RTN1: variants seen among roughly 807,000 people sequenced by gnomAD.
RTN1 encodes the protein reticulon-1.
RTN1 carries 25 observed loss-of-function variants against 65.5 expected under a neutral mutation model. The observed-to-expected ratio is 0.38, with a 90% CI of 0.28 to 0.53. RTN1 has a LOEUF of 0.53. Among genes scored for constraint, RTN1 ranks in the 20% least tolerant of loss-of-function variants. The pLI, the probability that RTN1 is intolerant of heterozygous loss-of-function variation, is 0.79. For synonymous variants in RTN1, 471 were observed against 447.6 expected (o/e 1.05, Z -0.66); for missense variants, 983 against 1,025.4 (o/e 0.96, Z 0.57).
At chr14:59,635,935 A>G (rs765732995) in intron 3 of RTN1, among the ~76,000 whole-genome samples, 1 of 152,198 alleles carries the variant, frequency 6.6e-6, no homozygotes, top group Non-Finnish European at 1.5e-5. Context: ...CCTGCTGTAC[A>G]TCTTTTCACT....
At chr14:59,796,734 C>T (rs990965680) in intron 1 of RTN1, among the ~76,000 whole-genome samples, 2 of 152,156 alleles carry the variant, frequency 1.3e-5, no homozygotes, top group African/African-American at 4.8e-5. Flanking sequence ...CAGTTTACCC[C>T]AACCTCTGTA....
chr14:59,833,667 C>T (rs1055450602), intron 1 of RTN1, among the ~76,000 whole-genome samples: 10 of 152,048 alleles, frequency 6.6e-5, no homozygotes, highest in Non-Finnish European at 1.2e-4. Flanking sequence ...GGTAGTTTTT[C>T]AATCCTCACC....
chr14:59,792,504 G>C (rs998609785), intron 1 of RTN1, among the ~76,000 whole-genome samples: 1 of 151,920 alleles, frequency 6.6e-6, no homozygotes, highest in Non-Finnish European at 1.5e-5. Context: ...GGTAAGCTTT[G>C]TTTATTTTTA....
At chr14:59,842,965 C>T (rs980316892) in intron 1 of RTN1, among the ~76,000 whole-genome samples, 1 of 152,154 alleles carries the variant, frequency 6.6e-6, no homozygotes, top group Non-Finnish European at 1.5e-5. Context: ...ACCCTATAAC[C>T]TCCAAGGTAT....
At position 59,596,740 on chromosome 14, in the gene RTN1, T is replaced by C; in HGVS notation, c.*5A>G. On this transcript the variant is annotated 3_prime_UTR_variant, in exon 9 of 9. Transcript: ENST00000267484. The stretch of plus-strand genomic sequence containing the variant: ...TTTGTGTCCAGTCCCCGGTGGGAAA[T>C]CAGTTTACTCAGCATGCCTCTTAGC... 1 of 1,608,204 alleles carries C rather than the reference T, an allele frequency of 6.2e-7. No homozygotes were observed. Among genetic ancestry groups the C allele is most frequent in the Non-Finnish European group, 8.5e-7 (1 of 1,174,742 alleles).
chr14:59,620,326 C>T (rs567457399), intron 3 of RTN1, among the ~76,000 whole-genome samples: 9 of 152,086 alleles, frequency 5.9e-5, no homozygotes, highest in South Asian at 2.1e-4. Context: ...AGATTAAGGG[C>T]GGGGCTTGAA....
At chr14:59,645,653 C>A (rs781776384) in intron 3 of RTN1, among the ~76,000 whole-genome samples, 2 of 152,146 alleles carry the variant, frequency 1.3e-5, no homozygotes, top group Non-Finnish European at 2.9e-5. Flanking sequence ...CTAGAGAGTC[C>A]ATGGGGACCC....
chr14:59,825,229 T>C lies in RTN1; in HGVS notation c.241+45161A>G, dbSNP rs1329491002. On this transcript the variant is annotated intron_variant, in intron 1 of 8. Coordinates refer to ENST00000267484, the MANE Select transcript of RTN1 (RefSeq NM_021136.3). This position sits in a 1 kb window ranked among gnomAD's most constrained non-coding sequence, Gnocchi z 4.2. ...TGTCTATTAAAAATGTCTCCAGACATTGACAAATTTCCCCTGGGAAGAAAA... is the reference window on the plus strand; with the variant it reads ...TGTCTATTAAAAATGTCTCCAGACACTGACAAATTTCCCCTGGGAAGAAAA... Among the ~76,000 whole-genome samples the C allele has an allele frequency of 6.6e-6, 1 of 152,180 alleles. No homozygotes were observed. Among genetic ancestry groups the C allele is most frequent in the African/African-American group, 2.4e-5 (1 of 41,454 alleles).
chr14:59,830,553 C>T (rs1211079600), intron 1 of RTN1, among the ~76,000 whole-genome samples: 4 of 152,116 alleles, frequency 2.6e-5, no homozygotes, highest in East Asian at 1.9e-4. Flanking sequence ...TGTGTGACTC[C>T]GAGCAAACAG....
At chr14:59,784,275 C>T (rs1886211381) in intron 1 of RTN1, among the ~76,000 whole-genome samples, 1 of 151,492 alleles carries the variant, frequency 6.6e-6, no homozygotes, top group South Asian at 2.1e-4. Context: ...CTCGTCTCTA[C>T]TAAAAAAAAT....
At chr14:59,810,984 T>C (rs991893565) in intron 1 of RTN1, among the ~76,000 whole-genome samples, 1 of 152,276 alleles carries the variant, frequency 6.6e-6, no homozygotes, top group South Asian at 2.1e-4. Context: ...AAGCAATCTA[T>C]TGTGGTGCAG....
At chr14:59,719,790 G>A (rs148237584) in intron 3 of RTN1, among the ~76,000 whole-genome samples, 1 of 152,312 alleles carries the variant, frequency 6.6e-6, no homozygotes, top group East Asian at 1.9e-4. Context: ...TGTTGCCTCT[G>A]AGAATTAGAA....
chr14:59,739,356 C>G (rs1313317148), intron 2 of RTN1, among the ~76,000 whole-genome samples: 1 of 152,110 alleles, frequency 6.6e-6, no homozygotes, highest in Non-Finnish European at 1.5e-5. Flanking sequence ...GCCTGGCCAG[C>G]ATGGCGAAAC....
chr14:59,672,766 G>A (rs1292092428), intron 3 of RTN1, among the ~76,000 whole-genome samples: 2 of 148,722 alleles, frequency 1.3e-5, no homozygotes, highest in Non-Finnish European at 1.5e-5. Flanking sequence ...TCAGCCTCCC[G>A]AGTAGCTGGG....
intron 1 of RTN1, among the ~76,000 whole-genome samples, chr14:59,778,258 T>C (rs560324626): frequency 5.0e-4 from 76 of 152,310 alleles, no homozygotes; most frequent in African/African-American, 1.6e-3. Flanking sequence ...TTAATTTCTC[T>C]CTAACTATAT....
chr14:59,684,717 G>T (rs1883811484), intron 3 of RTN1, among the ~76,000 whole-genome samples: 1 of 151,686 alleles, frequency 6.6e-6, no homozygotes, highest in South Asian at 2.1e-4. Flanking sequence ...TTTTATATGG[G>T]GTACTTGAGC....
intron 3 of RTN1, among the ~76,000 whole-genome samples, chr14:59,704,301 G>A (rs1416118510): frequency 6.6e-6 from 1 of 152,106 alleles, no homozygotes; most frequent in Non-Finnish European, 1.5e-5. Context: ...TCTCTGCTAG[G>A]TTCAAAAATT....
chr14:59,737,994 A>G (rs1247653471), intron 2 of RTN1, among the ~76,000 whole-genome samples: 1 of 152,282 alleles, frequency 6.6e-6, no homozygotes, highest in Non-Finnish European at 1.5e-5. Context: ...TTCCTTACAC[A>G]TGTACAAAAA....
chr14:59,852,647 T>C (rs1349304538), intron 1 of RTN1, among the ~76,000 whole-genome samples: 2 of 152,216 alleles, frequency 1.3e-5, no homozygotes, highest in Non-Finnish European at 2.9e-5. Context: ...AGGCTGAGAT[T>C]AGCTACTGTC....
Sources: allele counts gnomAD v4.1 joint callset (sites outside exome capture counted in the v4.1 genomes callset), GRCh38; gene constraint gnomAD v4.1.1; non-coding constraint Gnocchi (gnomAD v3.1); transcripts MANE v1.5; gene names NCBI Gene and HGNC (gene_info 2026-07-23, HGNC 2026-07-21).